PIGR: variants seen among roughly 807,000 people sequenced by gnomAD.
PIGR encodes hepatocellular carcinoma associated protein TB6.
Under a neutral mutation model 69.5 loss-of-function variants are expected in PIGR, and 22 were observed. The observed-to-expected ratio is 0.32, with a 90% CI of 0.23 to 0.45. PIGR has a LOEUF of 0.45. Among genes scored for constraint, PIGR ranks in the 20% least tolerant of loss-of-function variants. The probability of loss-of-function intolerance (pLI) is 1.00; values close to 1 mark genes in which losing one functional copy is unlikely to be tolerated. For missense variants in PIGR, 885 were observed against 974.0 expected (o/e 0.91, Z 1.22); for synonymous variants, 413 against 407.6 (o/e 1.01, Z -0.16).
At position 206,930,408 on chromosome 1, in the gene PIGR, G is replaced by C; in HGVS notation, c.2205C>G (p.Ser735=). The C allele has an allele frequency of 1.9e-6, 3 of 1,613,072 alleles. No individual in the cohort carries two copies. Among genetic ancestry groups the C allele is most frequent in the Non-Finnish European group, 1.7e-6 (2 of 1,179,538 alleles). Residue 735 remains serine, a synonymous_variant, in exon 11 of 11, where the codon TCC becomes TCG. Coordinates refer to ENST00000356495, the MANE Select transcript of PIGR (RefSeq NM_002644.4). This position sits in a 1 kb window ranked among gnomAD's most constrained non-coding sequence, Gnocchi z 4.3. ...TKEPKKAKRS[S]KEEAEMAYKD... ...TGTAGGCCATCTCGGCTTCCTCCTT[G>C]GATGACTAAGGGGCAAGAGGAGAGG... is the stretch of plus-strand genomic sequence containing the variant.
At chr1:206,931,125 G>A (rs893594453) in intron 10 of PIGR, 1 of 985,340 alleles carries the variant, frequency 1.0e-6, no homozygotes, top group Admixed American at 6.1e-5. Context: ...CCTCAAGGGA[G>A]GATGTGTGGC....
rs1679927607 is a variant in PIGR at position 206,938,984 on chromosome 1, C to T, written c.388+135G>A. The T allele has an allele frequency of 3.1e-5, 22 of 707,878 alleles. No individual in the cohort carries two copies. In the South Asian group the frequency reaches 3.9e-4, roughly 13 times the overall value. 43.8% of individuals were successfully genotyped at this position (707,878 alleles called of 1,614,324 possible). A position where few individuals can be genotyped will look rare whatever the true frequency, so the allele number is the denominator to read the frequency against. On this transcript the variant is annotated intron_variant, in intron 3 of 10. Coordinates refer to ENST00000356495, the MANE Select transcript of PIGR (RefSeq NM_002644.4). ...CTTCTCCTGTTAAAGAAGTCTTTGC[C>T]TGGGGAAAGGGGTGCCTTCTGACCC...
intron 2 of PIGR, 63 bp from the exon 3 acceptor site, chr1:206,939,526 C>G: frequency 8.4e-7 from 1 of 1,193,074 alleles, no homozygotes; most frequent in Non-Finnish European, 1.2e-6. Context: ...TTCCAGATAA[C>G]CCACTATGAG....
chr1:206,933,074 G>T lies in PIGR; in HGVS notation c.1798C>A (p.Gln600Lys). The change falls in exon 7 of 11, where the codon CAG (glutamine) becomes AAG (lysine). Residue 600 changes from glutamine (Q) to lysine (K), a missense_variant. Transcript: ENST00000356495. ...GFREIENKAI[Q>K]DPRLFAEEKA... ...TCCTCTGCAAAAAGCCTGGGATCCT[G>T]AATGGCTTTGTTCTCAATCTCCCGA... 1 of 1,614,178 alleles carries T rather than the reference G, an allele frequency of 6.2e-7. No homozygotes were observed. The highest frequency in any genetic ancestry group is 8.5e-7 in the Non-Finnish European group (1 of 1,180,024).
chr1:206,936,858 A>G (rs912838604), intron 4 of PIGR, among the ~76,000 whole-genome samples: 1 of 152,194 alleles, frequency 6.6e-6, no homozygotes, highest in Non-Finnish European at 1.5e-5. Context: ...TTAAGCAGGG[A>G]CAGCCATCAA....
In PIGR at chr1:206,933,103, C is replaced by T. The variant is rs1451403350; in HGVS notation, c.1769G>A (p.Gly590Asp). The change falls in exon 7 of 11, where the codon GGT becomes GAT. Residue 590 changes from glycine to aspartate, a missense_variant. Physicochemically the swap from Gly to Asp is moderately conservative, Grantham distance 94. Coordinates refer to ENST00000356495, the MANE Select transcript of PIGR (RefSeq NM_002644.4). ...GGCTTTGTTCTCAATCTCCCGAAAACCAGAGTCTAGCACCTTCTCATCAGG... is the reference window on the plus strand; with the variant it reads ...GGCTTTGTTCTCAATCTCCCGAAAATCAGAGTCTAGCACCTTCTCATCAGG... Reference protein sequence around the residue: ...AAPDEKVLDSGFREIENKAIQ... With the variant: ...AAPDEKVLDSDFREIENKAIQ... 1 of 1,614,202 alleles carries T rather than the reference C, an allele frequency of 6.2e-7. No individual in the cohort carries two copies. Among genetic ancestry groups the T allele is most frequent in the African/African-American group, 1.3e-5 (1 of 75,038 alleles).
chr1:206,934,422 G>A lies in PIGR; in HGVS notation c.1703C>T (p.Ala568Val), dbSNP rs755916532. ...AGGCCCTGTCCTTGGAGACTCACCC[G>A]CTGCCTTCCTCTCTTCAACTGCCAC... ...VYVAVEERKA[A>V]GSRDVSLAKA... The change falls in exon 6 of 11, where the codon GCG becomes GTG. Residue 568 changes from alanine (A) to valine (V), a missense_variant and splice_region_variant. Transcript: ENST00000356495. The A allele has an allele frequency of 8.1e-6, 13 of 1,611,616 alleles. No homozygotes were observed. The highest frequency in any genetic ancestry group is 5.0e-5 in the Admixed American group (3 of 59,946).
Position 206,943,238 on chromosome 1 carries a change from A to G in PIGR, c.-53-2654T>C, listed in dbSNP as rs190433381. Among the ~76,000 whole-genome samples, 177 of 152,256 alleles carry G rather than the reference A, an allele frequency of 1.2e-3. 1 individual carries two copies. In the Middle Eastern group the frequency reaches 0.014, roughly 12 times the overall value. ...ATCAGCACAACAACCCAAGAGATAGATGTTGTTATCCTCATGACACAGGTT... is the reference window on the plus strand; with the variant it reads ...ATCAGCACAACAACCCAAGAGATAGGTGTTGTTATCCTCATGACACAGGTT... On this transcript the variant is annotated intron_variant, in intron 1 of 10. Transcript: ENST00000356495.
At position 206,934,651 on chromosome 1, in the gene PIGR, C is replaced by A; in HGVS notation, c.1474G>T (p.Glu492Ter). 6.2e-7 allele frequency: 1 copy of A among 1,614,114 alleles called. No individual in the cohort carries two copies. The highest frequency in any genetic ancestry group is 8.5e-7 in the Non-Finnish European group (1 of 1,180,016). ...TTATTCCACTTGCACCAGTATTTCT[C>A]GTACGAGGAGAATTTGCATGGAAAG... ...CHFPCKFSSYEKYWCKWNNTG... is the reference protein window; with the variant it reads ...CHFPCKFSSY The change falls in exon 6 of 11, where the codon GAG becomes TAG. Residue 492 changes from glutamate (E) to a stop codon, truncating the protein, a stop_gained. Transcript: ENST00000356495. LOFTEE classifies it high-confidence loss of function.
At chr1:206,938,738 T>A (rs1679919068) in intron 3 of PIGR, among the ~76,000 whole-genome samples, 2 of 152,064 alleles carry the variant, frequency 1.3e-5, no homozygotes, top group Non-Finnish European at 2.9e-5. Flanking sequence ...GATGGAAAGG[T>A]GCATTAATGA....
At position 206,940,533 on chromosome 1, in the gene PIGR, G is replaced by A. The variant is rs954386841; in HGVS notation, c.-2C>T. 2.6e-6 allele frequency: 4 copies of A among 1,551,426 alleles called. No homozygotes were observed. Among genetic ancestry groups the A allele is most frequent in the Non-Finnish European group, 3.5e-6 (4 of 1,146,896 alleles). On this transcript the variant is annotated 5_prime_UTR_variant, in exon 2 of 11. Transcript: ENST00000356495. ...GCAGGTGAGCACGAAGAGCAGCATT[G>A]CTGGTGGGTCCCGAGCGCCGCACCA...
intron 2 of PIGR, 26 bp from the exon 3 acceptor site, chr1:206,939,489 T>C: frequency 1.4e-5 from 22 of 1,531,862 alleles, no homozygotes; most frequent in Non-Finnish European, 1.8e-5. Flanking sequence ...AGAGAGGCTT[T>C]CTGAGGCCCT....
chr1:206,943,300 AC>A (rs1281073622), intron 1 of PIGR, among the ~76,000 whole-genome samples: 1 of 152,132 alleles, frequency 6.6e-6, no homozygotes, highest in East Asian at 1.9e-4. Context: ...CGACCCCAAG[AC>A]CCACAGCAGA....
chr1:206,937,683 G>A lies in PIGR; in HGVS notation c.457C>T (p.Pro153Ser), dbSNP rs1679894016. The change falls in exon 4 of 11, where the codon CCT (proline) becomes TCT (serine). Residue 153 changes from proline to serine, a missense_variant. Physicochemically the swap from Pro to Ser is moderately conservative, Grantham distance 74 (BLOSUM62 -1). Transcript: ENST00000356495. ...DLGRTVTINC[P>S]FKTENAQKRK... is the part of the protein sequence containing the mutation. ...TTTTGAGCATTCTCAGTCTTGAAAG[G>A]GCAGTTGATGGTCACCGTTCTGCCC... 2 of 1,613,942 alleles carry A rather than the reference G, an allele frequency of 1.2e-6. No homozygotes were observed. The highest frequency in any genetic ancestry group is 1.7e-6 in the Non-Finnish European group (2 of 1,179,938).
intron 6 of PIGR, among the ~76,000 whole-genome samples, chr1:206,933,697 C>T (rs1388526689): frequency 1.3e-5 from 2 of 152,140 alleles, no homozygotes; most frequent in African/African-American, 4.8e-5. Context: ...CCTGATCAGA[C>T]CTTGTAAATG....
chr1:206,931,401 G>A (rs1053489872), intron 10 of PIGR, 96 bp downstream of exon 10: 297 of 1,610,538 alleles, frequency 1.8e-4, no homozygotes, highest in Admixed American at 8.4e-5. Context: ...TTCTGGGATC[G>A]GCCCCCATGT....
At chr1:206,940,729 C>T (rs1426557532) in intron 1 of PIGR, 145 bp from the exon 2 acceptor site, 1 of 561,562 alleles carries the variant, frequency 1.8e-6, no homozygotes, top group African/African-American at 1.9e-5. Flanking sequence ...TCCACTTTTT[C>T]CATAACAATT....
rs187836599 is a variant in PIGR at position 206,941,247 on chromosome 1, A to G, written c.-53-663T>C. Among the ~76,000 whole-genome samples the G allele has an allele frequency of 2.6e-5, 4 of 152,210 alleles. No individual in the cohort carries two copies. In the East Asian group the frequency reaches 7.7e-4, roughly 29 times the overall value. ...GCTTCAAGGTTAAGTACTTTCCTCA[A>G]GGGCACATGGGGTTAAATGTGTGGG... On this transcript the variant is annotated intron_variant, in intron 1 of 10. Transcript: ENST00000356495.
At position 206,937,239 on chromosome 1, in the gene PIGR, G is replaced by A. The variant is rs769526507; in HGVS notation, c.901C>T (p.Pro301Ser). 6.2e-7 allele frequency: 1 copy of A among 1,614,066 alleles called. No individual in the cohort carries two copies. Among genetic ancestry groups the A allele is most frequent in the Non-Finnish European group, 8.5e-7 (1 of 1,180,036 alleles). ...PAFEGRILLNPQDKDGSFSVV... is the reference protein window; with the variant it reads ...PAFEGRILLNSQDKDGSFSVV... ...CTGAATGAGCCATCCTTGTCCTGGGGGTTGAGCAGGATCCTGCCCTCAAAG... is the reference window on the plus strand; with the variant it reads ...CTGAATGAGCCATCCTTGTCCTGGGAGTTGAGCAGGATCCTGCCCTCAAAG... Residue 301 changes from proline (P) to serine (S), a missense_variant, in exon 4 of 11, where the codon CCC becomes TCC. Pro to Ser is a moderately conservative substitution (Grantham distance 74). Coordinates refer to ENST00000356495, the MANE Select transcript of PIGR (RefSeq NM_002644.4).
Sources: gnomAD v4.1 joint callset for allele counts (sites outside exome capture counted in the v4.1 genomes callset) on GRCh38, gnomAD v4.1.1 for gene constraint, Gnocchi (gnomAD v3.1) non-coding constraint, MANE v1.5 for transcripts, NCBI Gene and HGNC (gene_info 2026-07-23, HGNC 2026-07-21) for gene names.